USP39: variants seen among roughly 807,000 people sequenced by gnomAD.
The protein encoded by USP39 is ubiquitin specific peptidase 39.
USP39 carries 38 observed loss-of-function variants against 66.4 expected under a neutral mutation model. That is an observed-to-expected ratio of 0.57 (90% CI 0.44 to 0.75). The LOEUF (loss-of-function observed/expected upper bound fraction) is 0.75, where lower values mean the gene tolerates loss of function less well. Ranked by LOEUF, USP39 falls within the 30% of genes least tolerant of loss-of-function variation. The pLI is 0.00. For missense variants in USP39, 608 were observed against 714.4 expected (o/e 0.85, Z 1.70); for synonymous variants, 303 against 274.6 (o/e 1.10, Z -1.02).
chr2:85,639,837 G>C (rs1041129653), intron 9 of USP39: 3 of 152,912 alleles, frequency 2.0e-5, no homozygotes, highest in African/African-American at 7.2e-5. Context: ...AGACTCGTTG[G>C]TATTTCTCAC....
chr2:85,608,812 C>T (rs549296186), upstream of USP39: 36 of 1,216,488 alleles, frequency 3.0e-5, no homozygotes, highest in East Asian at 7.9e-4. Context: ...AGTCCTGCAA[C>T]ACCCTATGGA....
intron 7 of USP39, among the ~76,000 whole-genome samples, 159 bp from the exon 8 acceptor site, chr2:85,637,210 G>T (rs1378377584): frequency 6.6e-6 from 1 of 152,154 alleles, no homozygotes; most frequent in Non-Finnish European, 1.5e-5. Flanking sequence ...AAGGTACCCT[G>T]GTGGTATATA....
At chr2:85,641,263 G>A (rs1676215124) in intron 10 of USP39, 145 bp downstream of exon 10, 1 of 950,728 alleles carries the variant, frequency 1.1e-6, no homozygotes, top group East Asian at 2.7e-5. Flanking sequence ...GTTTTTATTG[G>A]AAGGATACAC....
At chr2:85,633,120 A>T (rs1377789116) in intron 6 of USP39, among the ~76,000 whole-genome samples, 1 of 151,982 alleles carries the variant, frequency 6.6e-6, no homozygotes, top group Non-Finnish European at 1.5e-5. Flanking sequence ...GGAGTCATTG[A>T]AGGCTTTTAT....
At chr2:85,617,195 C>G (rs1674058283) in intron 1 of USP39, among the ~76,000 whole-genome samples, 1 of 149,376 alleles carries the variant, frequency 6.7e-6, no homozygotes, top group South Asian at 2.1e-4. Context: ...CTCAAGTGTT[C>G]CACTCACCTC....
Position 85,623,758 on chromosome 2 carries a change from C to T in USP39, c.546C>T (p.Ile182=), listed in dbSNP as rs770319459. 3.7e-5 allele frequency: 60 copies of T among 1,612,910 alleles called. No homozygotes were observed. Among genetic ancestry groups the T allele is most frequent in the African/African-American group, 3.3e-4 (25 of 74,822 alleles). Residue 182 remains isoleucine (I), a synonymous_variant, in exon 4 of 13, where the codon ATC becomes ATT. Coordinates refer to ENST00000323701, the MANE Select transcript of USP39 (RefSeq NM_006590.4). ...GCCTTCCAGACAACTATGAGATCAT[C>T]GATTCCTCATTGGAGGATATCACGG... The part of the protein sequence containing the change: ...FYCLPDNYEI[I]DSSLEDITYV...
Position 85,616,187 on chromosome 2 carries a change from G to T in USP39, c.-9G>T, listed in dbSNP as rs968123213. The T allele has an allele frequency of 7.0e-7, 1 of 1,435,970 alleles. No individual in the cohort carries two copies. Among genetic ancestry groups the T allele is most frequent in the Non-Finnish European group, 9.1e-7 (1 of 1,093,850 alleles). 89.0% of individuals were successfully genotyped at this position (1,435,970 alleles called of 1,614,324 possible). A position where few individuals can be genotyped will look rare whatever the true frequency, so the allele number is the denominator to read the frequency against. Reference sequence around the variant, plus strand: ...GCGCCTGCGCTGGACGACTCGGCCGGTAGTGGAGATGTCCGGCCGGTCTAA... The same window carrying T: ...GCGCCTGCGCTGGACGACTCGGCCGTTAGTGGAGATGTCCGGCCGGTCTAA... On this transcript the variant is annotated 5_prime_UTR_variant, in exon 1 of 13. Coordinates refer to ENST00000323701, the MANE Select transcript of USP39 (RefSeq NM_006590.4).
intron 10 of USP39, 118 bp downstream of exon 10, chr2:85,641,236 AC>A (rs765964111): frequency 1.4e-4 from 170 of 1,248,864 alleles, no homozygotes; most frequent in Non-Finnish European, 1.7e-4. Flanking sequence ...AACAGAGCCT[AC>A]CTACAGTAGA....
At chr2:85,609,786 T>G (rs1673390577), upstream of USP39, among the ~76,000 whole-genome samples, 1 of 151,840 alleles carries the variant, frequency 6.6e-6, no homozygotes, top group Admixed American at 6.6e-5. Flanking sequence ...GTTCAAGCGA[T>G]TCTCCTGCCT....
At chr2:85,613,140 G>A (rs1348901711), upstream of USP39, among the ~76,000 whole-genome samples, 1 of 152,000 alleles carries the variant, frequency 6.6e-6, no homozygotes, top group Non-Finnish European at 1.5e-5. Flanking sequence ...TGGGAGTATC[G>A]CTGGAGGGAG....
chr2:85,641,722 C>G (rs1676240154), intron 10 of USP39, among the ~76,000 whole-genome samples: 1 of 151,762 alleles, frequency 6.6e-6, no homozygotes, highest in African/African-American at 2.4e-5. Context: ...GGCAACATGG[C>G]AAAACCCCAT....
At chr2:85,608,932 G>T (rs759068950), upstream of USP39, 9 of 1,613,734 alleles carry the variant, frequency 5.6e-6, no homozygotes, top group East Asian at 2.0e-4. Context: ...TGGAGAGAAC[G>T]CCTTCAACAT....
intron 10 of USP39, among the ~76,000 whole-genome samples, chr2:85,642,546 C>T (rs1215527480): frequency 2.6e-5 from 4 of 151,974 alleles, no homozygotes; most frequent in Admixed American, 6.6e-5. Flanking sequence ...TAGAGTAGGC[C>T]CAATATAAAA....
At position 85,648,982 on chromosome 2, in the gene USP39, T is replaced by G; in HGVS notation, c.*174T>G. 1 of 705,262 alleles carries G rather than the reference T, an allele frequency of 1.4e-6. No homozygotes were observed. The allele number at this position is 705,262 out of a possible 1,614,324, so 43.7% of individuals were successfully genotyped here. A position where few individuals can be genotyped will look rare whatever the true frequency, so the allele number is the denominator to read the frequency against. ...CCACTTGCCTGGGATGGCCCCACAC[T>G]GTCACTCAGCTGTTCTTTGATCATT... On this transcript the variant is annotated 3_prime_UTR_variant, in exon 13 of 13. Coordinates refer to ENST00000323701, the MANE Select transcript of USP39 (RefSeq NM_006590.4).
chr2:85,641,144 C>G (rs765729648), intron 10 of USP39, 26 bp downstream of exon 10: 2 of 1,610,698 alleles, frequency 1.2e-6, no homozygotes, highest in South Asian at 1.1e-5. Context: ...CCTCACTTCT[C>G]TCACGGGGAG....
chr2:85,623,895 G>C (rs550583102), intron 4 of USP39, 113 bp downstream of exon 4: 2 of 1,222,008 alleles, frequency 1.6e-6, no homozygotes, highest in African/African-American at 3.1e-5. Context: ...TTTAGGCATC[G>C]AGAGGCTGCT....
At chr2:85,625,496 A>C (rs754102462) in intron 4 of USP39, 43 bp from the exon 5 acceptor site, 1 of 1,609,160 alleles carries the variant, frequency 6.2e-7, no homozygotes, top group South Asian at 1.1e-5. Flanking sequence ...ATTTCTTGTG[A>C]ACTCAGCTCT....
At chr2:85,612,508 G>T, upstream of USP39, 1 of 873,336 alleles carries the variant, frequency 1.1e-6, no homozygotes, top group Non-Finnish European at 1.7e-6. Flanking sequence ...CTCAGGCAGG[G>T]CAACAGCGGC....
upstream of USP39, chr2:85,610,468 T>G (rs1354776393): frequency 6.6e-6 from 1 of 152,252 alleles, no homozygotes; most frequent in Admixed American, 6.5e-5. Context: ...GAGCTCTGCC[T>G]GGGTTCAAAT....
Sources: allele counts gnomAD v4.1 joint callset (sites outside exome capture counted in the v4.1 genomes callset), GRCh38; gene constraint gnomAD v4.1.1; transcripts MANE v1.5; gene names NCBI Gene and HGNC (gene_info 2026-07-23, HGNC 2026-07-21).